ARID1B: variants seen among roughly 807,000 people sequenced by gnomAD.
The protein encoded by ARID1B is AT-rich interactive domain-containing protein 1B.
ARID1B carries 30 observed loss-of-function variants against 212.3 expected under a neutral mutation model. The observed-to-expected ratio is 0.14, with a 90% confidence interval of 0.11 to 0.19. The LOEUF is 0.19. Among genes scored for constraint, ARID1B ranks in the 10% least tolerant of loss-of-function variants. ARID1B has a pLI of 1.00. For synonymous variants in ARID1B, 1,402 were observed against 1,301.7 expected (o/e 1.08, Z -1.66); for missense variants, 2,891 against 3,204.0 (o/e 0.90, Z 2.36).
At chr6:157,053,413 C>A (rs952360685) in intron 4 of ARID1B, among the ~76,000 whole-genome samples, 29 of 152,196 alleles carry the variant, frequency 1.9e-4, no homozygotes, top group African/African-American at 6.8e-4. Context: ...GCTAGCTATT[C>A]TGAAGATAGC....
Position 157,207,481 on chromosome 6 carries a change from A to G in ARID1B, c.6709A>G (p.Thr2237Ala). The G allele has an allele frequency of 6.2e-7, 1 of 1,614,138 alleles. No individual in the cohort carries two copies. The highest frequency in any genetic ancestry group is 8.5e-7 in the Non-Finnish European group (1 of 1,180,020). Residue 2237 changes from threonine (T) to alanine (A), a missense_variant, in exon 20 of 20, where the codon ACA becomes GCA. Physicochemically the swap from Thr to Ala is moderately conservative, Grantham distance 58. This residue lies in a region of ARID1B where 187 missense variants were observed against 306.5 expected (regional missense o/e 0.61). Transcript: ENST00000636930. The surrounding 1 kb of genome is among the most constrained non-coding windows in gnomAD (Gnocchi z 8.5). ...PFSRQEKFYA[T>A]LVRYVGDRKN... ...TAGTCGTCAGGAGAAATTCTATGCTACATTAGTTAGGTACGTTGGGGATCG... is the reference window on the plus strand; with the variant it reads ...TAGTCGTCAGGAGAAATTCTATGCTGCATTAGTTAGGTACGTTGGGGATCG...
intron 4 of ARID1B, among the ~76,000 whole-genome samples, chr6:157,008,757 G>A (rs1008462701): frequency 1.3e-5 from 2 of 152,092 alleles, no homozygotes; most frequent in African/African-American, 4.8e-5. Context: ...ATCGGCGGGG[G>A]AGGGGGGCGG....
intron 3 of ARID1B, among the ~76,000 whole-genome samples, chr6:156,912,486 G>A (rs1789975933): frequency 1.3e-5 from 2 of 152,034 alleles, no homozygotes; most frequent in South Asian, 4.1e-4. Context: ...GGAAGACCCT[G>A]CTATTTATTT....
chr6:157,016,331 T>C (rs1011489628), intron 4 of ARID1B, among the ~76,000 whole-genome samples: 1 of 152,042 alleles, frequency 6.6e-6, no homozygotes, highest in African/African-American at 2.4e-5. Flanking sequence ...ACCCCAAATA[T>C]CTAGATTTGT....
intron 4 of ARID1B, among the ~76,000 whole-genome samples, chr6:157,079,217 G>T (rs1784485353): frequency 1.3e-5 from 2 of 152,076 alleles, no homozygotes; most frequent in Non-Finnish European, 2.9e-5. Flanking sequence ...TGTTTTTCTG[G>T]TGCCTTTGCT....
chr6:157,055,757 A>G (rs924632223), intron 4 of ARID1B, among the ~76,000 whole-genome samples: 1 of 152,088 alleles, frequency 6.6e-6, no homozygotes, highest in African/African-American at 2.4e-5. Context: ...TGAAGTTGAG[A>G]TAAGGTATTG....
At chr6:157,189,510 A>G (rs1161890783) in intron 13 of ARID1B, 132 bp from the exon 14 acceptor site, 10 of 1,092,390 alleles carry the variant, frequency 9.2e-6, no homozygotes, top group South Asian at 3.8e-5. Flanking sequence ...AGCAATGGCT[A>G]TTGTTACTGT....
intron 2 of ARID1B, among the ~76,000 whole-genome samples, chr6:156,853,168 G>C (rs1265314661): frequency 1.3e-5 from 2 of 152,198 alleles, no homozygotes; most frequent in Non-Finnish European, 2.9e-5. Context: ...GTTTAACTCT[G>C]TGCTTTAAAT....
At chr6:156,913,980 A>C in intron 3 of ARID1B, among the ~76,000 whole-genome samples, 1 of 120,822 alleles carries the variant, frequency 8.3e-6, no homozygotes, top group Admixed American at 8.5e-5. Context: ...CCCCCATTCT[A>C]CTCTCCACTC....
intron 12 of ARID1B, among the ~76,000 whole-genome samples, chr6:157,183,916 C>T (rs1160598285): frequency 6.6e-6 from 1 of 152,142 alleles, no homozygotes; most frequent in Non-Finnish European, 1.5e-5. Context: ...GAAAATAGTG[C>T]CGTTGTTGCT....
intron 2 of ARID1B, among the ~76,000 whole-genome samples, chr6:156,877,877 T>A (rs1583201128): frequency 1.6e-5 from 1 of 63,906 alleles, no homozygotes; most frequent in Non-Finnish European, 3.4e-5. Context: ...ACCTAGCTAA[T>A]TTTTTTTTTT....
intron 1 of ARID1B, among the ~76,000 whole-genome samples, chr6:156,793,472 C>A (rs563334318): frequency 1.3e-5 from 2 of 152,134 alleles, no homozygotes; most frequent in East Asian, 3.9e-4. Flanking sequence ...AGTATCTGGG[C>A]CTACAGGCAC....
At chr6:157,025,124 C>T (rs1209304811) in intron 4 of ARID1B, among the ~76,000 whole-genome samples, 1 of 152,172 alleles carries the variant, frequency 6.6e-6, no homozygotes, top group Non-Finnish European at 1.5e-5. Context: ...AACTCAAAAA[C>T]TTTGACCTCC....
chr6:156,905,250 G>GCGCACACACACACACACACACACACA (rs1554265935), intron 3 of ARID1B, among the ~76,000 whole-genome samples: 18 of 143,838 alleles, frequency 1.3e-4, no homozygotes, highest in South Asian at 4.5e-4. Flanking sequence ...ACATATGCAC[G>GCGCACACACACACACACACACACACA]CACACACACA....
chr6:157,208,548 G>A lies in ARID1B; in HGVS notation c.*657G>A, dbSNP rs1240293706. On this transcript the variant is annotated 3_prime_UTR_variant, in exon 20 of 20. Coordinates refer to ENST00000636930, the MANE Select transcript of ARID1B (RefSeq NM_001374828.1). ...GAGAATACATACCTGACAACGATCC[G>A]GAAACTGCTCCTCACCACTCCCGTC... The A allele has an allele frequency of 4.7e-5, 11 of 232,972 alleles. No homozygotes were observed. Among genetic ancestry groups the A allele is most frequent in the South Asian group, 3.6e-4 (2 of 5,520 alleles). The allele number at this position is 232,972 out of a possible 1,614,324, so 14.4% of individuals were successfully genotyped here.
At chr6:157,043,280 G>T (rs1026426568) in intron 4 of ARID1B, among the ~76,000 whole-genome samples, 5 of 151,652 alleles carry the variant, frequency 3.3e-5, no homozygotes, top group Non-Finnish European at 7.4e-5. Flanking sequence ...CCTTCCTCTT[G>T]CTGCATTTCA....
chr6:157,188,851 G>A (rs976422387), intron 13 of ARID1B, among the ~76,000 whole-genome samples: 6 of 152,130 alleles, frequency 3.9e-5, no homozygotes, highest in East Asian at 1.9e-4. Context: ...CAAATGTTAC[G>A]TTTTTCCCTC....
At chr6:157,022,876 T>C (rs769297404) in intron 4 of ARID1B, 1 of 152,242 alleles carries the variant, frequency 6.6e-6, no homozygotes, top group African/African-American at 2.4e-5. Context: ...TCGGTGTTGA[T>C]GTAGAGACAG....
intron 15 of ARID1B, chr6:157,195,850 C>T (rs1230847377): frequency 3.3e-6 from 1 of 303,394 alleles, no homozygotes; most frequent in East Asian, 1.1e-4. Flanking sequence ...CACCTGAGGT[C>T]AGGAGTTCAA....
Sources: gnomAD v4.1 joint callset for allele counts (sites outside exome capture counted in the v4.1 genomes callset) on GRCh38, gnomAD v4.1.1 for gene constraint, gnomAD v4.1.1 regional missense constraint, Gnocchi (gnomAD v3.1) non-coding constraint, MANE v1.5 for transcripts, NCBI Gene and HGNC (gene_info 2026-07-23, HGNC 2026-07-21) for gene names.